The following CTIF variants were observed in gnomAD, a reference collection of about 807,000 sequenced individuals.
CTIF encodes cap binding complex dependent translation initiation factor, also known as CBP80/20-dependent translation initiation factor.
CTIF carries 21 observed loss-of-function variants against 66.0 expected under a neutral mutation model. The ratio of observed to expected loss-of-function variants is 0.32; its 90% CI spans 0.23 to 0.46. The LOEUF (loss-of-function observed/expected upper bound fraction) is 0.46. Ranked by LOEUF, CTIF falls within the 20% of genes least tolerant of loss-of-function variation. The pLI, the probability that CTIF is intolerant of heterozygous loss-of-function variation, is 1.00. For missense variants in CTIF, 739 were observed against 812.7 expected (o/e 0.91, Z 1.10); for synonymous variants, 345 against 326.4 (o/e 1.06, Z -0.62).
intron 9 of CTIF, among the ~76,000 whole-genome samples, chr18:48,771,511 C>A (rs1910115519): frequency 6.6e-6 from 1 of 152,206 alleles, no homozygotes; most frequent in Non-Finnish European, 1.5e-5. Context: ...CACCATCACC[C>A]GTGTCCCTTG....
chr18:48,563,864 G>C (rs1208060368), intron 1 of CTIF, among the ~76,000 whole-genome samples: 1 of 152,170 alleles, frequency 6.6e-6, no homozygotes, highest in Non-Finnish European at 1.5e-5. Flanking sequence ...AGTGGGGTGG[G>C]GTCTTCCCAG....
intron 1 of CTIF, among the ~76,000 whole-genome samples, chr18:48,614,475 A>T (rs973001333): frequency 6.6e-6 from 1 of 152,224 alleles, no homozygotes; most frequent in African/African-American, 2.4e-5. Context: ...GGATGAATGG[A>T]TAAATAAAAT....
chr18:48,574,487 G>A (rs2089486763), intron 1 of CTIF, among the ~76,000 whole-genome samples: 2 of 152,174 alleles, frequency 1.3e-5, no homozygotes, highest in African/African-American at 4.8e-5. Context: ...AGGAGTTTTA[G>A]GGGGTAGAGA....
In CTIF at chr18:48,721,640, G is replaced by T. The variant is rs150085661; in HGVS notation, c.584+9945G>T. Reference sequence around the variant, plus strand: ...CAAACCATTCTTCTTATGTCCCCAAGGACACCATTGTGCAGACTACAGGGA... The same window carrying T: ...CAAACCATTCTTCTTATGTCCCCAATGACACCATTGTGCAGACTACAGGGA... On this transcript the variant is annotated intron_variant, in intron 7 of 11. Transcript: ENST00000256413. 1.1e-3 allele frequency among the ~76,000 whole-genome samples: 170 copies of T among 152,320 alleles called. 1 individual carries two copies. The highest frequency in any genetic ancestry group is 3.7e-3 in the African/African-American group (155 of 41,570).
At chr18:48,751,944 TATTCATTC>T (rs71976839) in intron 7 of CTIF, among the ~76,000 whole-genome samples, 45,398 of 150,936 alleles carry the variant, frequency 0.3, 7,220 homozygotes, top group East Asian at 0.61. Flanking sequence ...CATCATTTAT[TATTCATTC>T]ATTCATTCAT....
chr18:48,861,165 C>A lies in CTIF; in HGVS notation c.*1606C>A, dbSNP rs1325754271. 2 of 152,326 alleles carry A rather than the reference C, an allele frequency of 1.3e-5. No homozygotes were observed. The highest frequency in any genetic ancestry group is 2.4e-5 in the African/African-American group (1 of 41,414). 9.4% of individuals were successfully genotyped at this position (152,326 alleles called of 1,614,324 possible). A position where few individuals can be genotyped will look rare whatever the true frequency, so the allele number is the denominator to read the frequency against. ...GAGAGTGGCGAGTGGGGAGAGGCTTCCCCAGTTCTCTCCAGCTTTCCCTGC... is the reference window on the plus strand; with the variant it reads ...GAGAGTGGCGAGTGGGGAGAGGCTTACCCAGTTCTCTCCAGCTTTCCCTGC... On this transcript the variant is annotated 3_prime_UTR_variant, in exon 12 of 12. Coordinates refer to ENST00000256413, the MANE Select transcript of CTIF (RefSeq NM_014772.3).
rs371732858 is a variant in CTIF at position 48,757,911 on chromosome 18, G to A, written c.585-8G>A. The A allele has an allele frequency of 2.1e-4, 343 of 1,605,878 alleles. 2 individuals are homozygous for A. The South Asian group carries it at 3.0e-3, about 14-fold the overall frequency. On this transcript the variant is annotated splice_region_variant and splice_polypyrimidine_tract_variant and intron_variant, in intron 7 of 11. Transcript: ENST00000256413. Reference sequence around the variant, plus strand: ...TCGCCTTCTCTGTCTTTCCTCTTCCGTTTGCAGGCGGCAGCAGAGACCTCC... The same window carrying A: ...TCGCCTTCTCTGTCTTTCCTCTTCCATTTGCAGGCGGCAGCAGAGACCTCC...
chr18:48,583,940 G>T (rs1381084648), intron 1 of CTIF, among the ~76,000 whole-genome samples: 4 of 152,236 alleles, frequency 2.6e-5, no homozygotes, highest in African/African-American at 9.6e-5. Context: ...ATACTTTGTA[G>T]AAAGAACAGG....
chr18:48,716,617 G>T (rs2092284567), intron 7 of CTIF, among the ~76,000 whole-genome samples: 1 of 152,146 alleles, frequency 6.6e-6, no homozygotes, highest in Admixed American at 6.5e-5. Context: ...GGTGCTCACA[G>T]CGGCCACCAC....
At chr18:48,626,246 C>G (rs1331721702) in intron 2 of CTIF, among the ~76,000 whole-genome samples, 2 of 152,160 alleles carry the variant, frequency 1.3e-5, no homozygotes, top group Non-Finnish European at 2.9e-5. Flanking sequence ...GGTGATCCAC[C>G]TGCCTCGGGC....
chr18:48,713,380 C>G (rs532773160), intron 7 of CTIF, among the ~76,000 whole-genome samples: 1 of 152,256 alleles, frequency 6.6e-6, no homozygotes, highest in South Asian at 2.1e-4. Flanking sequence ...TCCAGGTCAG[C>G]CTGCATGTCC....
intron 5 of CTIF, among the ~76,000 whole-genome samples, chr18:48,669,742 C>G (rs2091491154): frequency 7.4e-6 from 1 of 134,410 alleles, no homozygotes; most frequent in Non-Finnish European, 1.6e-5. Flanking sequence ...GATAATAATA[C>G]ATACACAAGA....
At chr18:48,631,625 C>A (rs2090715613) in intron 2 of CTIF, among the ~76,000 whole-genome samples, 1 of 152,214 alleles carries the variant, frequency 6.6e-6, no homozygotes, top group African/African-American at 2.4e-5. Flanking sequence ...CCTGTACTCT[C>A]ATGTTTATTA....
At chr18:48,599,477 A>G (rs1365193256) in intron 1 of CTIF, among the ~76,000 whole-genome samples, 2 of 152,102 alleles carry the variant, frequency 1.3e-5, no homozygotes, top group Non-Finnish European at 2.9e-5. Context: ...TCCTATTTCT[A>G]TGTATTTTCA....
chr18:48,656,284 T>C (rs993084390), intron 3 of CTIF, among the ~76,000 whole-genome samples: 2 of 152,248 alleles, frequency 1.3e-5, no homozygotes, highest in African/African-American at 2.4e-5. Flanking sequence ...GGTTAGAGCA[T>C]GGCCTCTGGG....
intron 1 of CTIF, among the ~76,000 whole-genome samples, chr18:48,612,200 A>G (rs1405897955): frequency 6.6e-6 from 1 of 152,210 alleles, no homozygotes; most frequent in Non-Finnish European, 1.5e-5. Flanking sequence ...GGGGAAGTAC[A>G]TTCTCGCTGG....
At chr18:48,752,534 G>A (rs373812735) in intron 7 of CTIF, among the ~76,000 whole-genome samples, 4 of 152,286 alleles carry the variant, frequency 2.6e-5, no homozygotes, top group African/African-American at 9.6e-5. Flanking sequence ...CTAGCGGGGC[G>A]ACCCTAGAAG....
chr18:48,825,276 C>T (rs543387249), intron 10 of CTIF, among the ~76,000 whole-genome samples: 5 of 152,060 alleles, frequency 3.3e-5, no homozygotes, highest in African/African-American at 1.2e-4. Flanking sequence ...CTGCCCTTTC[C>T]AAGGGAAGGG....
intron 6 of CTIF, among the ~76,000 whole-genome samples, chr18:48,689,538 A>C (rs910337635): frequency 1.3e-5 from 2 of 152,170 alleles, no homozygotes; most frequent in Non-Finnish European, 2.9e-5. Context: ...AACAGCCAAG[A>C]AGGCAAGTTT....
Sources: allele counts gnomAD v4.1 joint callset (sites outside exome capture counted in the v4.1 genomes callset), GRCh38; gene constraint gnomAD v4.1.1; transcripts MANE v1.5; gene names NCBI Gene and HGNC (gene_info 2026-07-23, HGNC 2026-07-21).